Variants in GNA14 observed in about 807,000 individuals in gnomAD.
GNA14 encodes guanine nucleotide-binding protein subunit alpha-14.
Under a neutral mutation model 42.0 loss-of-function variants are expected in GNA14, and 50 were observed. That is an observed-to-expected ratio of 1.19 (90% CI 0.95 to 1.51). The LOEUF (loss-of-function observed/expected upper bound fraction) is 1.51. Among genes scored for constraint, GNA14 ranks in the 40% most tolerant of loss-of-function variants. The pLI, the probability that GNA14 is intolerant of heterozygous loss-of-function variation, is 0.00. For synonymous variants in GNA14, 173 were observed against 163.1 expected, an observed-to-expected ratio of 1.06 and a Z score of -0.46; for missense variants, 473 against 446.2, an observed-to-expected ratio of 1.06 and a Z score of -0.54.
At chr9:77,574,659 G>A (rs982684296) in intron 1 of GNA14, among the ~76,000 whole-genome samples, 4 of 152,152 alleles carry the variant, frequency 2.6e-5, no homozygotes, top group Non-Finnish European at 5.9e-5. Context: ...AGGCTCATTA[G>A]GTATAATTAA....
At chr9:77,495,428 G>A (rs374270310) in intron 2 of GNA14, among the ~76,000 whole-genome samples, 38 of 152,090 alleles carry the variant, frequency 2.5e-4, no homozygotes, top group African/African-American at 8.2e-4. Context: ...ATGGGCAGAC[G>A]CACAAAAAAG....
chr9:77,467,646 TCTC>T (rs1836260093), intron 2 of GNA14, among the ~76,000 whole-genome samples: 1 of 98,330 alleles, frequency 1.0e-5, no homozygotes, highest in Non-Finnish European at 1.9e-5. Flanking sequence ...ACTGCGGAGC[TCTC>T]CTTTTTTTTT....
intron 2 of GNA14, among the ~76,000 whole-genome samples, chr9:77,505,186 C>T (rs1037904425): frequency 2.6e-5 from 4 of 152,106 alleles, no homozygotes; most frequent in African/African-American, 4.8e-5. Flanking sequence ...GTAGAAACAG[C>T]CTGGTGAATA....
At chr9:77,483,151 T>G (rs1389399551) in intron 2 of GNA14, among the ~76,000 whole-genome samples, 1 of 152,166 alleles carries the variant, frequency 6.6e-6, no homozygotes, top group Non-Finnish European at 1.5e-5. Context: ...AGTTTCCAGT[T>G]TTTCTGCTCT....
chr9:77,479,095 C>A (rs1160928462), intron 2 of GNA14, among the ~76,000 whole-genome samples: 5 of 152,064 alleles, frequency 3.3e-5, no homozygotes, highest in Non-Finnish European at 7.4e-5. Context: ...GAAGTCCTTG[C>A]CCATGCCTAT....
intron 1 of GNA14, among the ~76,000 whole-genome samples, chr9:77,564,199 T>C (rs1822928728): frequency 1.3e-5 from 2 of 151,398 alleles, no homozygotes; most frequent in Non-Finnish European, 2.9e-5. Flanking sequence ...TGGTTCTCAA[T>C]CCTGGCCACA....
chr9:77,469,060 A>C (rs950137724), intron 2 of GNA14, among the ~76,000 whole-genome samples: 1 of 152,200 alleles, frequency 6.6e-6, no homozygotes, highest in South Asian at 2.1e-4. Context: ...AAGGTGCTGC[A>C]TGATTTGTAC....
chr9:77,499,022 G>A (rs1254395234), intron 2 of GNA14, among the ~76,000 whole-genome samples: 4 of 152,182 alleles, frequency 2.6e-5, no homozygotes, highest in African/African-American at 9.7e-5. Flanking sequence ...ATGTGGGGTG[G>A]GGAGCCAATG....
chr9:77,553,473 A>G lies in GNA14; in HGVS notation c.125-24220T>C, dbSNP rs756869414. Among the ~76,000 whole-genome samples, 18 of 152,202 alleles carry G rather than the reference A, an allele frequency of 1.2e-4. 1 individual carries two copies. The highest frequency in any genetic ancestry group is 1.0e-3 in the Admixed American group (16 of 15,284). On this transcript the variant is annotated intron_variant, in intron 1 of 6. Transcript: ENST00000341700. ...AAACTTCAATGATCAGTTTTTTTTA[A>G]AACAGCACCAATAGAAAAAAAAAGC...
At chr9:77,645,613 A>C (rs1824339515) in intron 1 of GNA14, among the ~76,000 whole-genome samples, 1 of 152,214 alleles carries the variant, frequency 6.6e-6, no homozygotes, top group Non-Finnish European at 1.5e-5. Context: ...GCCTGGGAAG[A>C]TAAAGAAGAC....
At chr9:77,629,567 A>G (rs2118000731) in intron 1 of GNA14, among the ~76,000 whole-genome samples, 1 of 152,344 alleles carries the variant, frequency 6.6e-6, no homozygotes. Flanking sequence ...GGATCAGTTT[A>G]TGTCCTTTGC....
At position 77,532,256 on chromosome 9, in the gene GNA14, C is replaced by T. The variant is rs539246311; in HGVS notation, c.125-3003G>A. On this transcript the variant is annotated intron_variant, in intron 1 of 6. Transcript: ENST00000341700. ...GTATGCACGTCCCAGGATAGCACCC[C>T]TAGTTATGAGCTGGTTTTTACACTG... Among the ~76,000 whole-genome samples the T allele has an allele frequency of 5.9e-5, 9 of 152,288 alleles. No individual in the cohort carries two copies. The South Asian group carries it at 1.7e-3, about 28-fold the overall frequency.
intron 2 of GNA14, among the ~76,000 whole-genome samples, chr9:77,460,915 G>A (rs17063659): frequency 0.14 from 20,762 of 152,132 alleles, 4,199 homozygotes; most frequent in African/African-American, 0.44. Flanking sequence ...AGGTCTCACC[G>A]AAAAACCAAA....
intron 2 of GNA14, among the ~76,000 whole-genome samples, chr9:77,519,168 T>C (rs1477002924): frequency 1.3e-5 from 2 of 152,194 alleles, no homozygotes; most frequent in African/African-American, 4.8e-5. Context: ...CTCAACATTA[T>C]GGGAGGCCGA....
At chr9:77,424,571 T>A (rs1835425653) in intron 6 of GNA14, among the ~76,000 whole-genome samples, 1 of 152,222 alleles carries the variant, frequency 6.6e-6, no homozygotes, top group Admixed American at 6.5e-5. Context: ...AGATCCTGCT[T>A]TGATCCATCT....
chr9:77,480,998 A>G (rs1012437025), intron 2 of GNA14, among the ~76,000 whole-genome samples: 1 of 152,086 alleles, frequency 6.6e-6, no homozygotes, highest in Non-Finnish European at 1.5e-5. Flanking sequence ...TCAAAAAATC[A>G]GCTCCTGGAT....
chr9:77,448,039 G>A (rs893887496), intron 2 of GNA14, among the ~76,000 whole-genome samples: 1 of 152,184 alleles, frequency 6.6e-6, no homozygotes, highest in Non-Finnish European at 1.5e-5. Context: ...ATGTAGATCA[G>A]GGTAAACTGC....
intron 1 of GNA14, among the ~76,000 whole-genome samples, chr9:77,569,334 G>A (rs1276087477): frequency 6.6e-6 from 1 of 152,194 alleles, no homozygotes; most frequent in African/African-American, 2.4e-5. Flanking sequence ...TATAGGCAGA[G>A]AGATCATTGG....
intron 1 of GNA14, among the ~76,000 whole-genome samples, chr9:77,547,287 G>A (rs954285372): frequency 6.6e-6 from 1 of 152,190 alleles, no homozygotes; most frequent in African/African-American, 2.4e-5. Context: ...GCTATTATCT[G>A]TGTTAATTAT....
Sources: gnomAD v4.1 joint callset for allele counts (sites outside exome capture counted in the v4.1 genomes callset) on GRCh38, gnomAD v4.1.1 for gene constraint, MANE v1.5 for transcripts, NCBI Gene and HGNC (gene_info 2026-07-23, HGNC 2026-07-21) for gene names.